Variants in SARDH observed in about 807,000 individuals in gnomAD.
SARDH encodes sarcosine dehydrogenase, mitochondrial.
A neutral mutation model predicts 109.1 loss-of-function variants in SARDH; 95 were observed. The observed-to-expected ratio is 0.87, with a 90% CI of 0.74 to 1.03. The LOEUF (loss-of-function observed/expected upper bound fraction) is 1.03, where lower values mean the gene tolerates loss of function less well. SARDH is among the 50% of genes least tolerant of loss of function. The pLI is 0.00. For missense variants in SARDH, 1,267 were observed against 1,287.8 expected (o/e 0.98, Z 0.25); for synonymous variants, 572 against 534.8 (o/e 1.07, Z -0.96).
At chr9:133,694,228 C>T in intron 15 of SARDH, 30 bp downstream of exon 15, 1 of 1,482,882 alleles carries the variant, frequency 6.7e-7, no homozygotes, top group Non-Finnish European at 9.2e-7. Flanking sequence ...GCCGCAGTCA[C>T]AGCGCCGTGT....
At chr9:133,669,212 C>T (rs555154610) in intron 19 of SARDH, among the ~76,000 whole-genome samples, 1 of 574 alleles carries the variant, frequency 1.7e-3, no homozygotes, top group Non-Finnish European at 2.5e-3. Context: ...CTCCCTCACC[C>T]TCCCTCTCCC....
chr9:133,675,933 A>G (rs1045832837), intron 17 of SARDH, among the ~76,000 whole-genome samples: 3 of 152,130 alleles, frequency 2.0e-5, no homozygotes, highest in Non-Finnish European at 4.4e-5. Flanking sequence ...TCTACAAAAA[A>G]AATTTTAGAA....
rs1564256596 is a variant in SARDH, at chr9:133,691,387, A to G, written c.1922-860T>C. ...ATCCATGATCAACTTCCCTGAAAAC[A>G]AGACGCCAGTCCTGAGGCCAGAGGT... On this transcript the variant is annotated intron_variant, in intron 15 of 20. Transcript: ENST00000439388. Among the ~76,000 whole-genome samples, 6 of 152,284 alleles carry G rather than the reference A, an allele frequency of 3.9e-5. No homozygotes were observed. In the East Asian group the frequency reaches 5.8e-4, roughly 15 times the overall value.
At chr9:133,736,499 G>A (rs1364895776) in intron 1 of SARDH, among the ~76,000 whole-genome samples, 4 of 152,144 alleles carry the variant, frequency 2.6e-5, no homozygotes, top group South Asian at 2.1e-4. Flanking sequence ...GGGTTCAAGC[G>A]ATTCTCCCAC....
chr9:133,671,754 C>A, intron 17 of SARDH, 57 bp from the exon 18 acceptor site: 1 of 1,511,608 alleles, frequency 6.6e-7, no homozygotes, highest in Non-Finnish European at 8.9e-7. Flanking sequence ...AGGTCCAGGC[C>A]CAGGCCACCA....
chr9:133,674,334 G>A (rs1465454528), intron 17 of SARDH, among the ~76,000 whole-genome samples: 1 of 152,240 alleles, frequency 6.6e-6, no homozygotes, highest in Non-Finnish European at 1.5e-5. Flanking sequence ...AGGGTTGGGT[G>A]CGTGTGCACC....
At chr9:133,716,846 G>A (rs936422176) in intron 8 of SARDH, among the ~76,000 whole-genome samples, 3 of 152,216 alleles carry the variant, frequency 2.0e-5, no homozygotes, top group East Asian at 1.9e-4. Context: ...CCAGGGCAGT[G>A]CTCTCTGGGA....
intron 20 of SARDH, among the ~76,000 whole-genome samples, chr9:133,665,544 G>A (rs1441260442): frequency 6.6e-6 from 1 of 152,226 alleles, no homozygotes; most frequent in African/African-American, 2.4e-5. Context: ...GAGGCTCCAA[G>A]AGAGGATCCT....
chr9:133,708,145 T>G, intron 11 of SARDH, 142 bp downstream of exon 11: 1 of 965,302 alleles, frequency 1.0e-6, no homozygotes, highest in Non-Finnish European at 1.5e-6. Flanking sequence ...GGGTGCCGGG[T>G]TACTACCTGG....
chr9:133,711,325 C>T (rs529852801), intron 10 of SARDH, among the ~76,000 whole-genome samples: 11 of 152,324 alleles, frequency 7.2e-5, no homozygotes, highest in African/African-American at 2.6e-4. Flanking sequence ...ACTGTCCCTC[C>T]TGGGGAGGGA....
chr9:133,703,070 C>G (rs758092203), intron 12 of SARDH, 41 bp from the exon 13 acceptor site: 1 of 1,549,070 alleles, frequency 6.5e-7, no homozygotes, highest in East Asian at 2.3e-5. Context: ...CCTCTTTGGC[C>G]CCTCCCCGCT....
downstream of SARDH, among the ~76,000 whole-genome samples, chr9:133,659,891 A>G (rs1314507110): frequency 6.6e-6 from 1 of 152,052 alleles, no homozygotes; most frequent in African/African-American, 2.4e-5. Flanking sequence ...TTGCCAGCCC[A>G]GAGAAGGGTC....
At position 133,681,308 on chromosome 9, in the gene SARDH, G is replaced by A. The variant is rs150108589; in HGVS notation, c.2163+3885C>T. ...GTCCCAGGGCAGAGCCCCCCAACACGGGCCACACTTTTTTTCTAGCCAAGA... is the reference window on the plus strand; with the variant it reads ...GTCCCAGGGCAGAGCCCCCCAACACAGGCCACACTTTTTTTCTAGCCAAGA... On this transcript the variant is annotated intron_variant, in intron 17 of 20. Coordinates refer to ENST00000439388, the MANE Select transcript of SARDH (RefSeq NM_001134707.2). Among the ~76,000 whole-genome samples the A allele has an allele frequency of 6.4e-4, 98 of 152,298 alleles. 1 individual carries two copies. The highest frequency in any genetic ancestry group is 2.2e-3 in the African/African-American group (91 of 41,562).
intron 6 of SARDH, among the ~76,000 whole-genome samples, chr9:133,724,200 A>G (rs545113800): frequency 1.3e-5 from 2 of 152,338 alleles, no homozygotes; most frequent in South Asian, 4.1e-4. Context: ...AAAGAAAGGG[A>G]AAAGACAACC....
chr9:133,699,414 G>T (rs374580302), intron 13 of SARDH, among the ~76,000 whole-genome samples: 1 of 152,164 alleles, frequency 6.6e-6, no homozygotes, highest in Non-Finnish European at 1.5e-5. Flanking sequence ...GCTGAGGCAG[G>T]AGCATTGCTT....
At chr9:133,733,743 G>T in intron 2 of SARDH, 100 bp downstream of exon 2, 1 of 1,188,132 alleles carries the variant, frequency 8.4e-7, no homozygotes. Flanking sequence ...TCTTCCCCAG[G>T]CTGGTTGTTG....
chr9:133,676,397 G>T (rs958744817), intron 17 of SARDH, among the ~76,000 whole-genome samples: 1 of 152,166 alleles, frequency 6.6e-6, no homozygotes, highest in African/African-American at 2.4e-5. Context: ...CAGAGCTTCA[G>T]TTTCACAAAA....
rs1330732546 is a variant in SARDH at position 133,712,084 on chromosome 9, A to T, written c.1328+535T>A. Among the ~76,000 whole-genome samples the T allele has an allele frequency of 1.3e-5, 2 of 152,178 alleles. No homozygotes were observed. The highest frequency in any genetic ancestry group is 4.8e-5 in the African/African-American group (2 of 41,440). On this transcript the variant is annotated intron_variant, in intron 10 of 20. Coordinates refer to ENST00000439388, the MANE Select transcript of SARDH (RefSeq NM_001134707.2). This position sits in a 1 kb window ranked among gnomAD's most constrained non-coding sequence, Gnocchi z 4.1. ...CTTAGCGTTTCCATGTGCAGACCCC[A>T]TGCTGGGTGCCTCACCAGTACAAAT...
At chr9:133,670,841 C>A (rs1830321089) in intron 18 of SARDH, 89 bp from the exon 19 acceptor site, 2 of 1,422,612 alleles carry the variant, frequency 1.4e-6, no homozygotes, top group Non-Finnish European at 1.8e-6. Flanking sequence ...AAACCCACCC[C>A]CTCCAGCCCC....
Sources: allele counts gnomAD v4.1 joint callset (sites outside exome capture counted in the v4.1 genomes callset), GRCh38; gene constraint gnomAD v4.1.1; non-coding constraint Gnocchi (gnomAD v3.1); transcripts MANE v1.5; gene names NCBI Gene and HGNC (gene_info 2026-07-23, HGNC 2026-07-21).